ARHGAP33: variants seen among roughly 807,000 people sequenced by gnomAD.
ARHGAP33 encodes the protein rho GTPase-activating protein 33.
Under a neutral mutation model 126.2 loss-of-function variants are expected in ARHGAP33, and 57 were observed. The ratio of observed to expected loss-of-function variants is 0.45; its 90% CI spans 0.36 to 0.56. The LOEUF is 0.56. Among genes scored for constraint, ARHGAP33 ranks in the 20% least tolerant of loss-of-function variants. The probability of loss-of-function intolerance (pLI) is 0.00; values close to 1 mark genes in which losing one functional copy is unlikely to be tolerated. For synonymous variants in ARHGAP33, 711 were observed against 755.0 expected, an observed-to-expected ratio of 0.94 and a Z score of 0.95; for missense variants, 1,500 against 1,748.3, an observed-to-expected ratio of 0.86 and a Z score of 2.53.
rs1304584018 is a variant in ARHGAP33 at position 35,787,415 on chromosome 19, G to T, written c.2850G>T (p.Gly950=). ...GGEPLGTSGS[G]PPPNSLAHPG... ...AGCCCCTGGGGACCTCAGGGAGTGG[G>T]CCACCTCCCAACTCCCTAGCACACC... is the stretch of plus-strand genomic sequence containing the variant. The change falls in exon 21 of 21, where the codon GGG becomes GGT. Residue 950 remains glycine (G), a synonymous_variant. Coordinates refer to ENST00000007510, the MANE Select transcript of ARHGAP33 (RefSeq NM_001366178.1). 6.2e-7 allele frequency: 1 copy of T among 1,610,698 alleles called. No individual in the cohort carries two copies. Among genetic ancestry groups the T allele is most frequent in the African/African-American group, 1.3e-5 (1 of 74,912 alleles).
rs779488049 is a variant in ARHGAP33, at chr19:35,784,987, G to A, written c.1602G>A (p.Ala534=). Residue 534 remains alanine, a synonymous_variant, in exon 17 of 21, where the codon GCG becomes GCA. Coordinates refer to ENST00000007510, the MANE Select transcript of ARHGAP33 (RefSeq NM_001366178.1). ...RCLLPRPKSL[A]GSCPSTRLLT... is the part of the protein sequence containing the mutation. ...TGCTCCCCAGGCCCAAGTCCCTTGC[G>A]GGCAGCTGCCCCTCCACCCGCCTGC... The A allele has an allele frequency of 9.7e-6, 15 of 1,545,674 alleles. No homozygotes were observed. The Admixed American group carries it at 2.2e-4, about 22-fold the overall frequency.
rs765372672 is a variant in ARHGAP33, at chr19:35,780,976, C to T, written c.886C>T (p.Arg296Cys). 2.5e-6 allele frequency: 4 copies of T among 1,610,718 alleles called. No individual in the cohort carries two copies. Among genetic ancestry groups the T allele is most frequent in the South Asian group, 1.1e-5 (1 of 91,072 alleles). The change falls in exon 11 of 21, where the codon CGC becomes TGC. Residue 296 changes from arginine to cysteine, a missense_variant. Arg to Cys is a radical substitution (Grantham distance 180). Transcript: ENST00000007510. ...AGLLRTFMRS[R>C]PSRQRLRQRG... Reference sequence around the variant, plus strand: ...CCTGCTCCGCACCTTCATGCGCTCCCGCCCTTCTCGGCAGCGGCTGCGGCA... The same window carrying T: ...CCTGCTCCGCACCTTCATGCGCTCCTGCCCTTCTCGGCAGCGGCTGCGGCA...
At position 35,777,636 on chromosome 19, in the gene ARHGAP33, G is replaced by C; in HGVS notation, c.7-9G>C. ...TCTCTGGGGGCCTCTGATTCTTTCT[G>C]CTCTACAGGCACGCAGCACTGACAG... On this transcript the variant is annotated splice_polypyrimidine_tract_variant and intron_variant, in intron 1 of 20. Transcript: ENST00000007510. The C allele has an allele frequency of 1.3e-6, 2 of 1,561,602 alleles. No homozygotes were observed. The highest frequency in any genetic ancestry group is 1.7e-6 in the Non-Finnish European group (2 of 1,151,704).
chr19:35,780,573 C>T lies in ARHGAP33; in HGVS notation c.703-9C>T. 6.2e-7 allele frequency: 1 copy of T among 1,613,598 alleles called. No individual in the cohort carries two copies. Among genetic ancestry groups the T allele is most frequent in the Non-Finnish European group, 8.5e-7 (1 of 1,179,932 alleles). The stretch of plus-strand genomic sequence containing the variant: ...GGGTGGCCCAGCTACTGACCCTGAC[C>T]TTCCTCAGGTCGGGTTCTTCCCCAG... On this transcript the variant is annotated splice_polypyrimidine_tract_variant and intron_variant, in intron 8 of 20. Coordinates refer to ENST00000007510, the MANE Select transcript of ARHGAP33 (RefSeq NM_001366178.1).
chr19:35,781,496 C>G (rs1294161942), intron 12 of ARHGAP33, among the ~76,000 whole-genome samples: 2 of 152,214 alleles, frequency 1.3e-5, no homozygotes, highest in Non-Finnish European at 2.9e-5. Flanking sequence ...GTGAGACAGC[C>G]AGAAACCCCT....
Position 35,782,701 on chromosome 19 carries a change from G to A in ARHGAP33, c.1313+22G>A, listed in dbSNP as rs773800213. 35 of 1,610,108 alleles carry A rather than the reference G, an allele frequency of 2.2e-5. 1 individual carries two copies. Among genetic ancestry groups the A allele is most frequent in the Middle Eastern group, 1.6e-4 (1 of 6,082 alleles). ...ACAGGTAAACCAGGAGGGGCAGGGC[G>A]GGACTTGGTGGGATTCCAAGGGGGT... On this transcript the variant is annotated intron_variant, in intron 14 of 20. Coordinates refer to ENST00000007510, the MANE Select transcript of ARHGAP33 (RefSeq NM_001366178.1). This position sits in a 1 kb window ranked among gnomAD's most constrained non-coding sequence, Gnocchi z 4.1.
Position 35,788,074 on chromosome 19 carries a change from T to C in ARHGAP33, c.3509T>C (p.Val1170Ala), listed in dbSNP as rs759225151. 6.2e-7 allele frequency: 1 copy of C among 1,607,344 alleles called. No individual in the cohort carries two copies. The highest frequency in any genetic ancestry group is 1.7e-5 in the Admixed American group (1 of 59,452). Reference sequence around the variant, plus strand: ...CCTACACCGCCTGAGCCCCTCTACGTCAACCTAGCTCTAGGGCCCAGGGGT... The same window carrying C: ...CCTACACCGCCTGAGCCCCTCTACGCCAACCTAGCTCTAGGGCCCAGGGGT... The part of the protein sequence containing the change: ...RRPTPPEPLY[V>A]NLALGPRGPS... The change falls in exon 21 of 21, where the codon GTC (valine) becomes GCC (alanine). Residue 1170 changes from valine (V) to alanine (A), a missense_variant. Around this residue, in one of 6 missense-constraint regions of ARHGAP33, gnomAD observed 642 missense variants for 634.0 expected, o/e 1.01. Transcript: ENST00000007510.
At chr19:35,779,663 A>G (rs914909877) in intron 6 of ARHGAP33, among the ~76,000 whole-genome samples, 1 of 152,052 alleles carries the variant, frequency 6.6e-6, no homozygotes, top group Admixed American at 6.6e-5. Context: ...TCCTGACCTC[A>G]GGTGTTCCGC....
At chr19:35,778,909 A>C (rs1455142436) in intron 5 of ARHGAP33, 123 bp from the exon 6 acceptor site, 10 of 850,910 alleles carry the variant, frequency 1.2e-5, no homozygotes, top group Non-Finnish European at 1.9e-5. Flanking sequence ...AGTACCTAAC[A>C]GCTGAGCAGC....
In ARHGAP33 at chr19:35,777,867, G is replaced by A. The variant is rs1300473221; in HGVS notation, c.148G>A (p.Ala50Thr). Residue 50 changes from alanine to threonine, a missense_variant, in exon 3 of 21, where the codon GCC becomes ACC. By Grantham distance (58) the Ala-to-Thr change is moderately conservative. Coordinates refer to ENST00000007510, the MANE Select transcript of ARHGAP33 (RefSeq NM_001366178.1). The stretch of plus-strand genomic sequence containing the variant: ...CCCCTTCCCGCGGCTGGCTGACTGC[G>A]CCCATTTCCACTACGAGAACGTTGA... ...RGPFPRLADC[A>T]HFHYENVDFG... is the part of the protein sequence containing the mutation. 1.9e-6 allele frequency: 3 copies of A among 1,614,078 alleles called. No individual in the cohort carries two copies. The highest frequency in any genetic ancestry group is 2.5e-6 in the Non-Finnish European group (3 of 1,180,034).
chr19:35,780,896 GC>G (rs754929455), intron 10 of ARHGAP33, 23 bp from the exon 11 acceptor site: 2 of 1,611,008 alleles, frequency 1.2e-6, no homozygotes, highest in East Asian at 4.5e-5. Context: ...ACCTGCCTTT[GC>G]CCTTTGCCCC....
At position 35,778,373 on chromosome 19, in the gene ARHGAP33, C is replaced by T. The variant is rs199996590; in HGVS notation, c.270+13C>T. 1.7e-5 allele frequency: 28 copies of T among 1,614,166 alleles called. No individual in the cohort carries two copies. The highest frequency in any genetic ancestry group is 3.3e-4 in the Middle Eastern group (2 of 6,062). On this transcript the variant is annotated intron_variant, in intron 4 of 20. Transcript: ENST00000007510. The stretch of plus-strand genomic sequence containing the variant: ...GGTGACCTGTCAGGTGAGGCCATCC[C>T]GCCTCTCATCTAGCCTGAGAGAATG...
intron 3 of ARHGAP33, 78 bp downstream of exon 3, chr19:35,777,986 T>A: frequency 2.6e-6 from 4 of 1,514,284 alleles, no homozygotes; most frequent in Non-Finnish European, 3.7e-6. Flanking sequence ...GGTGCTTTGC[T>A]TCTGAAACTT....
In ARHGAP33 at chr19:35,787,545, C is replaced by G. The variant is rs752651017; in HGVS notation, c.2980C>G (p.Arg994Gly). Residue 994 changes from arginine to glycine, a missense_variant, in exon 21 of 21, where the codon CGA becomes GGA. By Grantham distance (125) the Arg-to-Gly change is moderately radical. Transcript: ENST00000007510. ...CATGGGGACCTCAAGGAGGGGACTC[C>G]GAGGCCCTGCCCAGGTCAGTGCCCA... Reference protein sequence around the residue: ...RPMGTSRRGLRGPAQVSAQLR... With the variant: ...RPMGTSRRGLGGPAQVSAQLR... The G allele has an allele frequency of 1.9e-6, 3 of 1,611,848 alleles. No homozygotes were observed. Among genetic ancestry groups the G allele is most frequent in the African/African-American group, 2.7e-5 (2 of 74,880 alleles).
chr19:35,778,776 T>G, intron 5 of ARHGAP33, 175 bp downstream of exon 5: 1 of 1,092,828 alleles, frequency 9.2e-7, no homozygotes, highest in Non-Finnish European at 1.3e-6. Flanking sequence ...ACATTTAGCT[T>G]TGCTAAGTTT....
chr19:35,782,934 C>T lies in ARHGAP33; in HGVS notation c.1421+65C>T, dbSNP rs967008656. On this transcript the variant is annotated intron_variant, in intron 15 of 20. Transcript: ENST00000007510. This position sits in a 1 kb window ranked among gnomAD's most constrained non-coding sequence, Gnocchi z 4.1. ...CCCAAAACCACCCCAGGAACCCGCC[C>T]AGCTTTTCTTTTGTTTATTCATCGA... The T allele has an allele frequency of 7.1e-7, 1 of 1,401,440 alleles. No individual in the cohort carries two copies. The highest frequency in any genetic ancestry group is 1.3e-5 in the South Asian group (1 of 78,914). 86.8% of individuals were successfully genotyped at this position (1,401,440 alleles called of 1,614,324 possible).
intron 18 of ARHGAP33, 33 bp downstream of exon 18, chr19:35,785,367 G>T: frequency 1.9e-6 from 3 of 1,614,084 alleles, no homozygotes; most frequent in Non-Finnish European, 2.5e-6. Context: ...GGTGGGCAGC[G>T]ATGGTCGCTG....
chr19:35,786,605 A>T lies in ARHGAP33; in HGVS notation c.2135A>T (p.His712Leu). 4 of 1,535,606 alleles carry T rather than the reference A, an allele frequency of 2.6e-6. No homozygotes were observed. The highest frequency in any genetic ancestry group is 3.5e-6 in the Non-Finnish European group (4 of 1,146,722). ...GGGGCACTCTCTGGGTCTCCCTCAC[A>T]CCGTACCTCAGCCTGGCTAGATGAT... is the stretch of plus-strand genomic sequence containing the variant. ...GLGALSGSPS[H>L]RTSAWLDDGD... is the part of the protein sequence containing the mutation. The change falls in exon 20 of 21, where the codon CAC becomes CTC. Residue 712 changes from histidine (H) to leucine (L), a missense_variant. Around this residue, in one of 6 missense-constraint regions of ARHGAP33, gnomAD observed 300 missense variants for 291.1 expected, o/e 1.03. Coordinates refer to ENST00000007510, the MANE Select transcript of ARHGAP33 (RefSeq NM_001366178.1). This position sits in a 1 kb window ranked among gnomAD's most constrained non-coding sequence, Gnocchi z 7.0.
At chr19:35,779,166 G>T in intron 6 of ARHGAP33, 42 bp downstream of exon 6, 1 of 1,507,070 alleles carries the variant, frequency 6.6e-7, no homozygotes, top group South Asian at 1.2e-5. Flanking sequence ...AGTGGGTGAG[G>T]GGGTGTCTGA....
Sources: allele counts gnomAD v4.1 joint callset (sites outside exome capture counted in the v4.1 genomes callset), GRCh38; gene constraint gnomAD v4.1.1; regional missense constraint gnomAD v4.1.1; non-coding constraint Gnocchi (gnomAD v3.1); transcripts MANE v1.5; gene names NCBI Gene and HGNC (gene_info 2026-07-23, HGNC 2026-07-21).